Variants in AGAP1 observed in about 807,000 individuals in gnomAD.
AGAP1 encodes the protein ArfGAP with GTPase domain, ankyrin repeat and PH domain 1.
AGAP1 carries 29 observed loss-of-function variants against 105.3 expected under a neutral mutation model. The observed-to-expected ratio is 0.28, with a 90% CI of 0.21 to 0.38. The LOEUF is 0.38. Among genes scored for constraint, AGAP1 ranks in the 10% least tolerant of loss-of-function variants. The probability of loss-of-function intolerance (pLI) is 1.00; values close to 1 mark genes in which losing one functional copy is unlikely to be tolerated. For missense variants in AGAP1, 998 were observed against 1,165.1 expected, an observed-to-expected ratio of 0.86 and a Z score of 2.09; for synonymous variants, 509 against 485.9, an observed-to-expected ratio of 1.05 and a Z score of -0.63.
chr2:235,624,903 G>C (rs1036783952), intron 1 of AGAP1, among the ~76,000 whole-genome samples: 1 of 151,824 alleles, frequency 6.6e-6, no homozygotes, highest in Non-Finnish European at 1.5e-5. Context: ...CCCACTCCCC[G>C]ACCCCTCTAC....
At position 235,721,220 on chromosome 2, in the gene AGAP1, C is replaced by G. The variant is rs113130071; in HGVS notation, c.310+3576C>G. On this transcript the variant is annotated intron_variant, in intron 3 of 17. Coordinates refer to ENST00000304032, the MANE Select transcript of AGAP1 (RefSeq NM_001037131.3). This position sits in a 1 kb window ranked among gnomAD's most constrained non-coding sequence, Gnocchi z 4.5. ...GCAGGGTTTCACCATGTTGGCCAGACTGGTCTTGAACTCCTGACCTTAAGT... is the reference window on the plus strand; with the variant it reads ...GCAGGGTTTCACCATGTTGGCCAGAGTGGTCTTGAACTCCTGACCTTAAGT... Among the ~76,000 whole-genome samples, 1,523 of 152,218 alleles carry G rather than the reference C, an allele frequency of 0.01. 16 individuals are homozygous for G. The highest frequency in any genetic ancestry group is 0.033 in the African/African-American group (1,390 of 41,520).
At position 235,622,711 on chromosome 2, in the gene AGAP1, C is replaced by T. The variant is rs959134308; in HGVS notation, c.164-86468C>T. On this transcript the variant is annotated intron_variant, in intron 1 of 17. Transcript: ENST00000304032. This position sits in a 1 kb window ranked among gnomAD's most constrained non-coding sequence, Gnocchi z 5.0. ...GAGGTGCTGTGGATCACTTGGACCA[C>T]GGTAGCTAATGTTTGTAGCGCGCTC... is the stretch of plus-strand genomic sequence containing the variant. 1.1e-4 allele frequency among the ~76,000 whole-genome samples: 16 copies of T among 152,012 alleles called. No homozygotes were observed. The highest frequency in any genetic ancestry group is 2.2e-4 in the African/African-American group (9 of 41,360).
chr2:235,615,165 G>T lies in AGAP1; in HGVS notation c.164-94014G>T. Among the ~76,000 whole-genome samples, 1 of 152,234 alleles carries T rather than the reference G, an allele frequency of 6.6e-6. No homozygotes were observed. Among genetic ancestry groups the T allele is most frequent in the East Asian group, 1.9e-4 (1 of 5,186 alleles). On this transcript the variant is annotated intron_variant, in intron 1 of 17. Transcript: ENST00000304032. The surrounding 1 kb of genome is among the most constrained non-coding windows in gnomAD (Gnocchi z 5.0). ...CATTTGATTGCTATGACAACCCACA[G>T]AGGTGGGTGTTGTCACTTCCACTGC...
At chr2:235,669,875 G>C (rs981449796) in intron 1 of AGAP1, 1 of 147,580 alleles carries the variant, frequency 6.8e-6, no homozygotes, top group Admixed American at 6.7e-5. Context: ...GCTTGGCCCC[G>C]CCGGCCCATG....
In AGAP1 at chr2:236,124,951, T is replaced by C. The variant is rs1322800680; in HGVS notation, c.*829T>C. 1.2e-5 allele frequency: 2 copies of C among 164,844 alleles called. No homozygotes were observed. The highest frequency in any genetic ancestry group is 2.9e-5 in the Non-Finnish European group (2 of 68,116). The allele number at this position is 164,844 out of a possible 1,614,324, so 10.2% of individuals were successfully genotyped here. A position where few individuals can be genotyped will look rare whatever the true frequency, so the allele number is the denominator to read the frequency against. On this transcript the variant is annotated 3_prime_UTR_variant, in exon 18 of 18. Transcript: ENST00000304032. This position sits in a 1 kb window ranked among gnomAD's most constrained non-coding sequence, Gnocchi z 5.1. ...AGAGGAAATCAGTCGCTGAGTATTATTTGACTCCGGTCTCCTTGGTGCAAA... is the reference window on the plus strand; with the variant it reads ...AGAGGAAATCAGTCGCTGAGTATTACTTGACTCCGGTCTCCTTGGTGCAAA...
intron 9 of AGAP1, among the ~76,000 whole-genome samples, chr2:235,840,640 G>C (rs1276642751): frequency 6.6e-6 from 1 of 152,160 alleles, no homozygotes; most frequent in Non-Finnish European, 1.5e-5. Flanking sequence ...GAGAGAGCCT[G>C]GTGGGCTCTC....
rs2059035699 is a variant in AGAP1 at position 236,090,674 on chromosome 2, G to A, written c.2115-29518G>A. ...GGGGTCTTCCTGGTTATACGGCCCA[G>A]CTTGCAAACATAATCCTTCCTTGTT... is the stretch of plus-strand genomic sequence containing the variant. On this transcript the variant is annotated intron_variant, in intron 16 of 17. Coordinates refer to ENST00000304032, the MANE Select transcript of AGAP1 (RefSeq NM_001037131.3). This position sits in a 1 kb window ranked among gnomAD's most constrained non-coding sequence, Gnocchi z 4.3. 6.6e-6 allele frequency among the ~76,000 whole-genome samples: 1 copy of A among 152,164 alleles called. No homozygotes were observed. Among genetic ancestry groups the A allele is most frequent in the African/African-American group, 2.4e-5 (1 of 41,424 alleles).
chr2:235,709,324 C>A, intron 2 of AGAP1, 87 bp downstream of exon 2: 1 of 1,432,566 alleles, frequency 7.0e-7, no homozygotes, highest in Non-Finnish European at 9.8e-7. Flanking sequence ...AACTGGTCAT[C>A]GCCTGGGGCC....
chr2:236,067,636 G>T (rs1344041537), intron 16 of AGAP1, among the ~76,000 whole-genome samples: 2 of 152,148 alleles, frequency 1.3e-5, no homozygotes, highest in Admixed American at 6.5e-5. Flanking sequence ...GTTACTATGC[G>T]CTAGATGATG....
At chr2:235,829,400 G>C (rs1959189168) in intron 9 of AGAP1, among the ~76,000 whole-genome samples, 2 of 152,220 alleles carry the variant, frequency 1.3e-5, no homozygotes, top group African/African-American at 4.8e-5. Context: ...AGGATGTAGA[G>C]ACTGTGGCCA....
chr2:235,629,674 G>A (rs1946760395), intron 1 of AGAP1, among the ~76,000 whole-genome samples: 1 of 150,730 alleles, frequency 6.6e-6, no homozygotes, highest in Non-Finnish European at 1.5e-5. Context: ...TTTAAGACCA[G>A]CCCTGGCAAC....
chr2:236,037,122 C>T (rs974980098), intron 14 of AGAP1: 3 of 181,614 alleles, frequency 1.7e-5, no homozygotes, highest in Non-Finnish European at 3.5e-5. Context: ...GTTGGAAAAC[C>T]GTCTCTTGTT....
intron 1 of AGAP1, among the ~76,000 whole-genome samples, chr2:235,619,547 A>C (rs1946411107): frequency 6.6e-6 from 1 of 150,454 alleles, no homozygotes; most frequent in African/African-American, 2.5e-5. Flanking sequence ...CTGGGGCTGA[A>C]GTGGGGGAGC....
intron 1 of AGAP1, among the ~76,000 whole-genome samples, chr2:235,618,734 C>T (rs1449504832): frequency 2.0e-5 from 3 of 151,802 alleles, no homozygotes; most frequent in East Asian, 1.9e-4. Context: ...CTTATTTAAC[C>T]CTCAAAACAA....
intron 16 of AGAP1, among the ~76,000 whole-genome samples, chr2:236,054,970 A>T (rs1045710739): frequency 3.3e-5 from 5 of 152,198 alleles, no homozygotes; most frequent in Non-Finnish European, 5.9e-5. Flanking sequence ...AGTGAGTAAT[A>T]GAGGCAGAAA....
chr2:236,067,784 C>T (rs1229475248), intron 16 of AGAP1, among the ~76,000 whole-genome samples: 1 of 152,210 alleles, frequency 6.6e-6, no homozygotes, highest in South Asian at 2.1e-4. Context: ...TGAGGTGAGA[C>T]GAGGAAGAGC....
rs532017605 is a variant in AGAP1 at position 236,114,467 on chromosome 2, T to G, written c.2115-5725T>G. On this transcript the variant is annotated intron_variant, in intron 16 of 17. Transcript: ENST00000304032. The surrounding 1 kb of genome is among the most constrained non-coding windows in gnomAD (Gnocchi z 5.0). ...ATCCAGAGTATGTGTCAGCTCAGGC[T>G]GCCAAAATAAAGTATTACACTTGGG... Among the ~76,000 whole-genome samples, 1 of 152,228 alleles carries G rather than the reference T, an allele frequency of 6.6e-6. No individual in the cohort carries two copies. The highest frequency in any genetic ancestry group is 2.4e-5 in the African/African-American group (1 of 41,464).
chr2:235,703,935 C>T (rs995396210), intron 1 of AGAP1, among the ~76,000 whole-genome samples: 11 of 152,114 alleles, frequency 7.2e-5, no homozygotes, highest in Admixed American at 4.6e-4. Context: ...CCTTGGCCTC[C>T]AAGTACTGGG....
At chr2:235,543,118 C>G (rs999015902) in intron 1 of AGAP1, among the ~76,000 whole-genome samples, 3 of 145,432 alleles carry the variant, frequency 2.1e-5, no homozygotes, top group Admixed American at 1.4e-4. Context: ...CGCCCCCTGC[C>G]CCTCGTTGGG....
Sources: allele counts gnomAD v4.1 joint callset (sites outside exome capture counted in the v4.1 genomes callset), GRCh38; gene constraint gnomAD v4.1.1; non-coding constraint Gnocchi (gnomAD v3.1); transcripts MANE v1.5; gene names NCBI Gene and HGNC (gene_info 2026-07-23, HGNC 2026-07-21).